DNAJB4: variants seen among roughly 807,000 people sequenced by gnomAD.
DNAJB4 encodes dnaJ homolog subfamily B member 4.
Under a neutral mutation model 26.6 loss-of-function variants are expected in DNAJB4, and 10 were observed. The observed-to-expected ratio is 0.38, with a 90% CI of 0.23 to 0.64. The LOEUF (loss-of-function observed/expected upper bound fraction) is 0.64, where lower values mean the gene tolerates loss of function less well. Among genes scored for constraint, DNAJB4 ranks in the 30% least tolerant of loss-of-function variants. The probability of loss-of-function intolerance (pLI) is 0.58; values close to 1 mark genes in which losing one functional copy is unlikely to be tolerated. For missense variants in DNAJB4, 328 were observed against 408.2 expected (o/e 0.80, Z 1.69); for synonymous variants, 136 against 134.8 (o/e 1.01, Z -0.06).
rs755180428 is a variant in DNAJB4 at position 78,013,115 on chromosome 1, C to A, written c.276C>A (p.Gly92=). The A allele has an allele frequency of 6.2e-7, 1 of 1,613,894 alleles. No homozygotes were observed. The highest frequency in any genetic ancestry group is 1.3e-5 in the African/African-American group (1 of 74,924). The change falls in exon 2 of 3, where the codon GGC becomes GGA. Residue 92 remains glycine (G), a synonymous_variant. Coordinates refer to ENST00000370763, the MANE Select transcript of DNAJB4 (RefSeq NM_007034.5). The part of the protein sequence containing the change: ...QGGTFRYTFH[G]DPHATFAAFF... ...GTACCTTCCGGTACACCTTTCATGG[C>A]GATCCTCATGCTACATTTGCTGCAT...
At chr1:77,990,162 G>A (rs1181036781) in intron 1 of DNAJB4, among the ~76,000 whole-genome samples, 2 of 152,144 alleles carry the variant, frequency 1.3e-5, no homozygotes, top group African/African-American at 2.4e-5. Flanking sequence ...ATGGTTCTTT[G>A]GTATGTAACC....
chr1:78,011,686 G>C (rs1330722092), intron 1 of DNAJB4, among the ~76,000 whole-genome samples: 1 of 151,772 alleles, frequency 6.6e-6, no homozygotes, highest in Non-Finnish European at 1.5e-5. Flanking sequence ...GTTTCACCAT[G>C]TAGACCAGGC....
intron 1 of DNAJB4, among the ~76,000 whole-genome samples, chr1:78,006,071 ATTAT>A (rs1362845264): frequency 3.9e-5 from 6 of 152,334 alleles, no homozygotes; most frequent in Non-Finnish European, 8.8e-5. Context: ...TTTAGATAAC[ATTAT>A]TTATTTAGAA....
At chr1:77,980,122 A>C (rs1422227678), upstream of DNAJB4, 4 of 152,218 alleles carry the variant, frequency 2.6e-5, no homozygotes, top group African/African-American at 9.7e-5. Flanking sequence ...TGACCTCGTG[A>C]TCCACCCGCC....
At chr1:77,998,985 T>C (rs1001134027) in intron 1 of DNAJB4, among the ~76,000 whole-genome samples, 2 of 152,240 alleles carry the variant, frequency 1.3e-5, no homozygotes, top group East Asian at 3.8e-4. Context: ...GTAAGTATTA[T>C]GCTCTGGAAC....
intron 1 of DNAJB4, among the ~76,000 whole-genome samples, chr1:77,981,938 A>G (rs1018660865): frequency 6.6e-6 from 1 of 152,220 alleles, no homozygotes; most frequent in Non-Finnish European, 1.5e-5. Flanking sequence ...TATAGGAAAT[A>G]GATTATTAAT....
At position 77,990,568 on chromosome 1, in the gene DNAJB4, C is replaced by G. The variant is rs1310582365; in HGVS notation, c.-32+10246C>G. On this transcript the variant is annotated intron_variant, in intron 1 of 2. Transcript: ENST00000426517. ...ATGCAGTCTTATGCAGCAAAACTTA[C>G]CAACTATTGAAGTAGCATAGATGAA... Among the ~76,000 whole-genome samples, 3 of 152,200 alleles carry G rather than the reference C, an allele frequency of 2.0e-5. No homozygotes were observed. The South Asian group carries it at 6.2e-4, about 32-fold the overall frequency.
In DNAJB4 at chr1:78,016,957, A is replaced by G. The variant is rs535936976; in HGVS notation, c.*710A>G. The G allele has an allele frequency of 5.2e-4, 79 of 152,240 alleles. No individual in the cohort carries two copies. The highest frequency in any genetic ancestry group is 1.9e-3 in the African/African-American group (78 of 41,566). 9.4% of individuals were successfully genotyped at this position (152,240 alleles called of 1,614,324 possible). ...ATGTAATTTTATGCAAGTTGACTAT[A>G]TATCTTGTACTTAATAAATTATAGG... On this transcript the variant is annotated 3_prime_UTR_variant, in exon 3 of 3. Coordinates refer to ENST00000370763, the MANE Select transcript of DNAJB4 (RefSeq NM_007034.5).
At chr1:78,012,465 T>C in intron 1 of DNAJB4, among the ~76,000 whole-genome samples, 1 of 151,340 alleles carries the variant, frequency 6.6e-6, no homozygotes, top group East Asian at 2.0e-4. Flanking sequence ...CCCGGCCTTA[T>C]TTTATTTTTC....
chr1:78,010,663 G>C (rs1660443682), intron 1 of DNAJB4, among the ~76,000 whole-genome samples: 1 of 152,176 alleles, frequency 6.6e-6, no homozygotes, highest in Non-Finnish European at 1.5e-5. Flanking sequence ...AGATGAAATA[G>C]AGTAGATATA....
At chr1:77,980,337 ATATGTGTGTGTG>A (rs1370048045) in intron 1 of DNAJB4, 12 of 136,938 alleles carry the variant, frequency 8.8e-5, no homozygotes, top group African/African-American at 3.2e-4. Flanking sequence ...ATATATATAT[ATATGTGTGTGTG>A]TGTGTGTGTG....
At position 78,013,304 on chromosome 1, in the gene DNAJB4, AC is replaced by A; in HGVS notation, c.466del (p.Gln156LysfsTer24). The A allele has an allele frequency of 6.2e-7, 1 of 1,614,106 alleles. No individual in the cohort carries two copies. On this transcript the variant is annotated frameshift_variant, in exon 2 of 3. Coordinates refer to ENST00000370763, the MANE Select transcript of DNAJB4 (RefSeq NM_007034.5). LOFTEE classifies it high-confidence loss of function. ...RNSVGPSRLK[Q>X]DPPVIHELRV... The stretch of plus-strand genomic sequence containing the variant: ...ATTCTGTGGGGCCATCCCGCCTCAA[AC>A]AAGATCCTCCAGTTATTCATGAACT...
chr1:77,999,179 A>G (rs1557505793), intron 1 of DNAJB4, among the ~76,000 whole-genome samples: 4 of 152,162 alleles, frequency 2.6e-5, no homozygotes. Context: ...AACTATTTAG[A>G]TATTATCTTA....
At chr1:78,000,605 A>T (rs959062241), upstream of DNAJB4, among the ~76,000 whole-genome samples, 9 of 152,180 alleles carry the variant, frequency 5.9e-5, no homozygotes, top group African/African-American at 2.2e-4. Flanking sequence ...CTGTTAACAG[A>T]GTTTAAAAGA....
chr1:77,979,526 G>A (rs547715554), upstream of DNAJB4: 1 of 153,634 alleles, frequency 6.5e-6, no homozygotes, highest in Non-Finnish European at 1.5e-5. Flanking sequence ...GCTGCCGCCC[G>A]GAGGGCGCCA....
At chr1:78,008,926 A>G (rs1660397984) in intron 1 of DNAJB4, among the ~76,000 whole-genome samples, 1 of 152,104 alleles carries the variant, frequency 6.6e-6, no homozygotes. Flanking sequence ...TCAATAACAC[A>G]TCCTCATTTA....
chr1:77,985,824 T>G (rs2102587267), intron 1 of DNAJB4, among the ~76,000 whole-genome samples: 1 of 152,236 alleles, frequency 6.6e-6, no homozygotes, highest in East Asian at 1.9e-4. Flanking sequence ...ATTCTGGGCA[T>G]TGTTCTAAGT....
At chr1:78,007,058 T>C (rs1243303615) in intron 1 of DNAJB4, among the ~76,000 whole-genome samples, 1 of 152,220 alleles carries the variant, frequency 6.6e-6, no homozygotes, top group East Asian at 1.9e-4. Flanking sequence ...TATCTCTTAA[T>C]AGTGCTTTTC....
intron 1 of DNAJB4, among the ~76,000 whole-genome samples, chr1:77,985,464 AG>A (rs1659769995): frequency 6.6e-6 from 1 of 152,160 alleles, no homozygotes. Context: ...AAATATCTGG[AG>A]GTACTATTTT....
Sources: gnomAD v4.1 joint callset for allele counts (sites outside exome capture counted in the v4.1 genomes callset) on GRCh38, gnomAD v4.1.1 for gene constraint, MANE v1.5 for transcripts, NCBI Gene and HGNC (gene_info 2026-07-23, HGNC 2026-07-21) for gene names.